MARCHF7: variants seen among roughly 807,000 people sequenced by gnomAD.
MARCHF7 encodes the protein membrane associated ring-CH-type finger 7.
Under a neutral mutation model 76.5 loss-of-function variants are expected in MARCHF7, and 20 were observed. That is an observed-to-expected ratio of 0.26 (90% CI 0.18 to 0.38). The LOEUF (loss-of-function observed/expected upper bound fraction) is 0.38, where lower values mean the gene tolerates loss of function less well. MARCHF7 is among the 10% of genes least tolerant of loss of function. The pLI is 1.00. For synonymous variants in MARCHF7, 295 were observed against 293.0 expected, an observed-to-expected ratio of 1.01 and a Z score of -0.07; for missense variants, 797 against 812.9, an observed-to-expected ratio of 0.98 and a Z score of 0.24.
At position 159,748,854 on chromosome 2, in the gene MARCHF7, A is replaced by G. The variant is rs1223843394; in HGVS notation, c.1564A>G (p.Lys522Glu). Residue 522 changes from lysine (K) to glutamate (E), a missense_variant, in exon 7 of 12, where the codon AAA becomes GAA. Around this residue, in one of 3 missense-constraint regions of MARCHF7, gnomAD observed 643 missense variants for 631.5 expected, o/e 1.02. Transcript: ENST00000409175. ...AGCTGATGGTAAAAGTGATAAAACT[A>G]AAAGTGCGCCTTCAAGAGATCCAGA... is the stretch of plus-strand genomic sequence containing the variant. ...NSADGKSDKT[K>E]SAPSRDPERL... 1 of 1,613,622 alleles carries G rather than the reference A, an allele frequency of 6.2e-7. No individual in the cohort carries two copies. Among genetic ancestry groups the G allele is most frequent in the African/African-American group, 1.3e-5 (1 of 74,924 alleles).
chr2:159,718,472 CT>C (rs1171053070), intron 3 of MARCHF7, among the ~76,000 whole-genome samples: 1 of 152,062 alleles, frequency 6.6e-6, no homozygotes, highest in Non-Finnish European at 1.5e-5. Flanking sequence ...CTGTGTGACT[CT>C]TGACAGATAC....
At chr2:159,741,861 A>T (rs1704166154) in intron 4 of MARCHF7, among the ~76,000 whole-genome samples, 1 of 152,208 alleles carries the variant, frequency 6.6e-6, no homozygotes, top group Non-Finnish European at 1.5e-5. Flanking sequence ...TCTCTGAGCC[A>T]TTTAGAGATT....
At chr2:159,745,978 C>G (rs1225973173) in intron 6 of MARCHF7, 41 bp downstream of exon 6, 1 of 1,524,310 alleles carries the variant, frequency 6.6e-7, no homozygotes, top group Non-Finnish European at 9.0e-7. Flanking sequence ...TCATAATGTT[C>G]CATTTTCCTC....
chr2:159,713,337 C>A (rs931837705), intron 1 of MARCHF7, among the ~76,000 whole-genome samples: 3 of 152,128 alleles, frequency 2.0e-5, no homozygotes, highest in Non-Finnish European at 4.4e-5. Context: ...TGTGTCCACC[C>A]CCTCACCCCA....
intron 10 of MARCHF7, among the ~76,000 whole-genome samples, chr2:159,763,246 T>C (rs979674168): frequency 2.0e-5 from 3 of 152,198 alleles, no homozygotes; most frequent in African/African-American, 7.2e-5. Flanking sequence ...GGAATGTATT[T>C]CATTGAAAAA....
rs1323450612 is a variant in MARCHF7, at chr2:159,770,723, TCAG to T, written c.*3384_*3386del. 1 of 152,156 alleles carries T rather than the reference TCAG, an allele frequency of 6.6e-6. No individual in the cohort carries two copies. The highest frequency in any genetic ancestry group is 2.4e-5 in the African/African-American group (1 of 41,430). 9.4% of individuals were successfully genotyped at this position (152,156 alleles called of 1,614,324 possible). A position where few individuals can be genotyped will look rare whatever the true frequency, so the allele number is the denominator to read the frequency against. ...ATTGTGTTACAATTGTCTGCAGTATTCAGCACAGTAACATGCTGTGTAGGTTTG... is the reference window on the plus strand; with the variant it reads ...ATTGTGTTACAATTGTCTGCAGTATTCACAGTAACATGCTGTGTAGGTTTG... On this transcript the variant is annotated 3_prime_UTR_variant, in exon 12 of 12. Coordinates refer to ENST00000409175, the MANE Select transcript of MARCHF7 (RefSeq NM_001282805.2).
At position 159,769,181 on chromosome 2, in the gene MARCHF7, T is replaced by C. The variant is rs1404207373; in HGVS notation, c.*1839T>C. ...TAAGAAAATGTAGTTTAAAATGTTA[T>C]TCTGAATATCTGCCAAAGAATTATA... On this transcript the variant is annotated 3_prime_UTR_variant, in exon 12 of 12. Transcript: ENST00000409175. 6.6e-6 allele frequency: 1 copy of C among 152,220 alleles called. No individual in the cohort carries two copies. Among genetic ancestry groups the C allele is most frequent in the Non-Finnish European group, 1.5e-5 (1 of 68,036 alleles). The allele number at this position is 152,220 out of a possible 1,614,324, so 9.4% of individuals were successfully genotyped here. A position where few individuals can be genotyped will look rare whatever the true frequency, so the allele number is the denominator to read the frequency against.
chr2:159,750,300 G>C (rs1265871433), intron 7 of MARCHF7, among the ~76,000 whole-genome samples: 2 of 152,204 alleles, frequency 1.3e-5, no homozygotes, highest in Non-Finnish European at 1.5e-5. Context: ...GCCAAGGTGG[G>C]CAGATCACAA....
Position 159,737,674 on chromosome 2 carries a change from G to C in MARCHF7, c.154-5387G>C, listed in dbSNP as rs1003752111. On this transcript the variant is annotated intron_variant, in intron 4 of 11. Transcript: ENST00000409175. Reference sequence around the variant, plus strand: ...ATGGTGTCGCATGCCTGTAGTCTCAGCTACTCTGGAGGCTGAGGTGGAAGG... The same window carrying C: ...ATGGTGTCGCATGCCTGTAGTCTCACCTACTCTGGAGGCTGAGGTGGAAGG... Among the ~76,000 whole-genome samples, 14 of 152,158 alleles carry C rather than the reference G, an allele frequency of 9.2e-5. 1 individual carries two copies. Among genetic ancestry groups the C allele is most frequent in the Admixed American group, 7.9e-4 (12 of 15,276 alleles).
intron 3 of MARCHF7, among the ~76,000 whole-genome samples, chr2:159,720,432 A>C (rs998598396): frequency 1.3e-5 from 2 of 152,136 alleles, no homozygotes; most frequent in East Asian, 3.8e-4. Flanking sequence ...ATATTTGTTA[A>C]AAAGTGCTCT....
At chr2:159,760,000 A>G (rs972612156) in intron 9 of MARCHF7, among the ~76,000 whole-genome samples, 1 of 152,170 alleles carries the variant, frequency 6.6e-6, no homozygotes, top group Admixed American at 6.5e-5. Context: ...ATTATATTGA[A>G]TGAGATTTAC....
Position 159,747,834 on chromosome 2 carries a change from C to A in MARCHF7, c.544C>A (p.Gln182Lys). The A allele has an allele frequency of 6.3e-7, 1 of 1,591,374 alleles. No homozygotes were observed. The change falls in exon 7 of 12, where the codon CAA becomes AAA. Residue 182 changes from glutamine (Q) to lysine (K), a missense_variant. Transcript: ENST00000409175. ...YVQDRVPSYS[Q>K]GARPKENSMS... The stretch of plus-strand genomic sequence containing the variant: ...TCAAGACAGAGTTCCTTCATATTCA[C>A]AAGGAGCAAGACCAAAAGAAAACTC...
intron 4 of MARCHF7, among the ~76,000 whole-genome samples, chr2:159,739,809 T>C (rs1422776920): frequency 6.6e-6 from 1 of 152,224 alleles, no homozygotes; most frequent in East Asian, 1.9e-4. Context: ...TGTATACTGA[T>C]ATGTATATCT....
intron 11 of MARCHF7, among the ~76,000 whole-genome samples, chr2:159,766,858 C>T (rs576192960): frequency 2.0e-5 from 3 of 152,228 alleles, no homozygotes; most frequent in African/African-American, 7.2e-5. Flanking sequence ...ATGTACACTT[C>T]TTTTCATTCT....
At chr2:159,757,056 G>T (rs903728632) in intron 8 of MARCHF7, among the ~76,000 whole-genome samples, 3 of 151,984 alleles carry the variant, frequency 2.0e-5, no homozygotes, top group Non-Finnish European at 4.4e-5. Flanking sequence ...ACCACCCCTG[G>T]CTAATTTTTT....
At chr2:159,758,012 T>G (rs1706550761) in intron 8 of MARCHF7, among the ~76,000 whole-genome samples, 1 of 152,234 alleles carries the variant, frequency 6.6e-6, no homozygotes, top group South Asian at 2.1e-4. Context: ...ACACTGGTTA[T>G]TAGAGTTTTA....
At chr2:159,738,578 A>G (rs1345436176) in intron 4 of MARCHF7, among the ~76,000 whole-genome samples, 2 of 152,150 alleles carry the variant, frequency 1.3e-5, no homozygotes, top group Non-Finnish European at 2.9e-5. Flanking sequence ...GGTCATCCCA[A>G]CGAGTGTGTA....
Position 159,745,925 on chromosome 2 carries a change from A to T in MARCHF7, c.502A>T (p.Thr168Ser). The T allele has an allele frequency of 6.2e-7, 1 of 1,608,366 alleles. No individual in the cohort carries two copies. Among genetic ancestry groups the T allele is most frequent in the Non-Finnish European group, 8.5e-7 (1 of 1,177,378 alleles). ...MDYSHRSGDF[T>S]TSSYVQDRVP... ...TTATAGTCACCGAAGTGGTGATTTCACAACTTCATCATGTATGTATAAATT... is the reference window on the plus strand; with the variant it reads ...TTATAGTCACCGAAGTGGTGATTTCTCAACTTCATCATGTATGTATAAATT... The change falls in exon 6 of 12, where the codon ACA becomes TCA. Residue 168 changes from threonine (T) to serine (S), a missense_variant. This residue lies in a region of MARCHF7 where 643 missense variants were observed against 631.5 expected (regional missense o/e 1.02). Transcript: ENST00000409175.
At chr2:159,746,066 A>G (rs1704840264) in intron 6 of MARCHF7, 129 bp downstream of exon 6, 1 of 662,026 alleles carries the variant, frequency 1.5e-6, no homozygotes, top group South Asian at 2.6e-5. Context: ...GAATACCTTA[A>G]TATTTTTTTC....
Sources: allele counts gnomAD v4.1 joint callset (sites outside exome capture counted in the v4.1 genomes callset), GRCh38; gene constraint gnomAD v4.1.1; regional missense constraint gnomAD v4.1.1; transcripts MANE v1.5; gene names NCBI Gene and HGNC (gene_info 2026-07-23, HGNC 2026-07-21).